Variants in APBA1 observed in about 807,000 individuals in gnomAD.
APBA1 encodes the protein amyloid beta precursor protein binding family A member 1.
Under a neutral mutation model 86.6 loss-of-function variants are expected in APBA1, and 55 were observed. The observed-to-expected ratio is 0.64, with a 90% CI of 0.51 to 0.80. APBA1 has a LOEUF of 0.80. APBA1 is among the 30% of genes least tolerant of loss of function. APBA1 has a pLI of 0.00. For missense variants in APBA1, 1,090 were observed against 1,183.0 expected (o/e 0.92, Z 1.15); for synonymous variants, 511 against 493.9 (o/e 1.03, Z -0.46).
At chr9:69,650,346 T>C (rs527642645) in intron 1 of APBA1, among the ~76,000 whole-genome samples, 2 of 152,370 alleles carry the variant, frequency 1.3e-5, no homozygotes, top group African/African-American at 4.8e-5. Context: ...TGCCATGTTA[T>C]TGTTACTTGG....
chr9:69,457,334 G>A, intron 6 of APBA1, among the ~76,000 whole-genome samples, 195 bp from the exon 7 acceptor site: 1 of 152,172 alleles, frequency 6.6e-6, no homozygotes, highest in East Asian at 1.9e-4. Context: ...GCACCTCTAG[G>A]TTACAGGGAA....
intron 1 of APBA1, among the ~76,000 whole-genome samples, chr9:69,625,461 C>G (rs1822908730): frequency 6.6e-6 from 1 of 152,152 alleles, no homozygotes; most frequent in Non-Finnish European, 1.5e-5. Context: ...CTGAACTGAG[C>G]ATTGCAGCAT....
chr9:69,643,953 G>T (rs1823341928), intron 1 of APBA1, among the ~76,000 whole-genome samples: 1 of 152,186 alleles, frequency 6.6e-6, no homozygotes, highest in Admixed American at 6.5e-5. Flanking sequence ...TGTGTTTGCT[G>T]TTCCTTTTGC....
intron 2 of APBA1, among the ~76,000 whole-genome samples, chr9:69,502,308 T>G (rs1416676823): frequency 6.6e-6 from 1 of 152,104 alleles, no homozygotes; most frequent in Non-Finnish European, 1.5e-5. Context: ...ACATCTTGCC[T>G]AGAGCTGAAC....
chr9:69,441,261 G>A (rs1360781876), intron 10 of APBA1, 146 bp from the exon 11 acceptor site: 15 of 974,652 alleles, frequency 1.5e-5, no homozygotes, highest in Admixed American at 2.9e-5. Context: ...CTGGTGCCTG[G>A]GCTGGTACAG....
intron 11 of APBA1, among the ~76,000 whole-genome samples, 192 bp downstream of exon 11, chr9:69,440,804 C>G (rs376729068): frequency 6.6e-6 from 1 of 152,030 alleles, no homozygotes; most frequent in Admixed American, 6.6e-5. Context: ...ACCCACTGAC[C>G]GGCACTCCCC....
At chr9:69,440,173 T>A (rs1170583814) in intron 11 of APBA1, among the ~76,000 whole-genome samples, 2 of 152,218 alleles carry the variant, frequency 1.3e-5, no homozygotes, top group Non-Finnish European at 2.9e-5. Flanking sequence ...CCCGGCTGTG[T>A]GAGGTGTCAG....
chr9:69,512,881 C>T (rs551334204), intron 2 of APBA1, among the ~76,000 whole-genome samples: 1 of 152,154 alleles, frequency 6.6e-6, no homozygotes, highest in South Asian at 2.1e-4. Context: ...TTTTAAAACA[C>T]CTTTCCATTT....
At chr9:69,577,182 A>G (rs1163951954) in intron 1 of APBA1, among the ~76,000 whole-genome samples, 1 of 152,218 alleles carries the variant, frequency 6.6e-6, no homozygotes, top group African/African-American at 2.4e-5. Flanking sequence ...ATTGTTAACT[A>G]TGGTCATCCT....
chr9:69,499,428 T>A (rs1445216955), intron 2 of APBA1, among the ~76,000 whole-genome samples: 1 of 152,000 alleles, frequency 6.6e-6, no homozygotes, highest in Non-Finnish European at 1.5e-5. Context: ...CCTGGAAAAA[T>A]TTTGTCTGTT....
intron 10 of APBA1, among the ~76,000 whole-genome samples, chr9:69,444,400 A>G (rs999987647): frequency 6.6e-6 from 1 of 152,230 alleles, no homozygotes; most frequent in Admixed American, 6.5e-5. Context: ...CAATAGGACC[A>G]GCACAGCCTG....
intron 1 of APBA1, among the ~76,000 whole-genome samples, chr9:69,565,659 T>TCATCCTCCCCTCTTATTCTCCGCGTC (rs1837014022): frequency 6.6e-6 from 1 of 152,170 alleles, no homozygotes; most frequent in Non-Finnish European, 1.5e-5. Context: ...TGTCAATGGT[T>TCATCCTCCCCTCTTATTCTCCGCGTC]CATCCTCCCC....
chr9:69,503,117 A>T (rs2133873969), intron 2 of APBA1, among the ~76,000 whole-genome samples: 1 of 152,258 alleles, frequency 6.6e-6, no homozygotes, highest in African/African-American at 2.4e-5. Context: ...TGTTTCTTAG[A>T]AATTGTGCAC....
At chr9:69,666,926 G>C (rs1014633919) in intron 1 of APBA1, among the ~76,000 whole-genome samples, 1 of 152,128 alleles carries the variant, frequency 6.6e-6, no homozygotes, top group Non-Finnish European at 1.5e-5. Flanking sequence ...GTTTATTCAT[G>C]TATTCATGTG....
chr9:69,658,355 T>TTTCC (rs1823682514), intron 1 of APBA1, among the ~76,000 whole-genome samples: 3 of 142,224 alleles, frequency 2.1e-5, no homozygotes, highest in African/African-American at 7.7e-5. Context: ...TCTTTCTTTC[T>TTTCC]TTCTGTGTTT....
At chr9:69,540,100 A>C (rs995350451) in intron 1 of APBA1, among the ~76,000 whole-genome samples, 1 of 146,334 alleles carries the variant, frequency 6.8e-6, no homozygotes, top group Non-Finnish European at 1.5e-5. Context: ...AACCTGGGCA[A>C]CAGGAGCAAA....
intron 2 of APBA1, among the ~76,000 whole-genome samples, chr9:69,503,789 C>T (rs910012638): frequency 6.6e-6 from 1 of 152,058 alleles, no homozygotes; most frequent in African/African-American, 2.4e-5. Flanking sequence ...CTCTGAGCGG[C>T]AGGCCACATG....
At chr9:69,582,490 G>C (rs1310022719) in intron 1 of APBA1, among the ~76,000 whole-genome samples, 1 of 152,170 alleles carries the variant, frequency 6.6e-6, no homozygotes, top group Non-Finnish European at 1.5e-5. Flanking sequence ...TTTTAGGCAA[G>C]TTGTCTGCTA....
At chr9:69,477,273 G>A (rs979475475) in intron 2 of APBA1, among the ~76,000 whole-genome samples, 2 of 151,408 alleles carry the variant, frequency 1.3e-5, no homozygotes, top group Non-Finnish European at 2.9e-5. Flanking sequence ...CGCACCGTGC[G>A]CCAGCCGAAG....
Sources: allele counts gnomAD v4.1 joint callset (sites outside exome capture counted in the v4.1 genomes callset), GRCh38; gene constraint gnomAD v4.1.1; transcripts MANE v1.5; gene names NCBI Gene and HGNC (gene_info 2026-07-23, HGNC 2026-07-21).